SCFD2: variants seen among roughly 807,000 people sequenced by gnomAD.
The protein encoded by SCFD2 is sec1 family domain-containing protein 2.
In SCFD2, 54 loss-of-function variants were observed where a neutral mutation model predicts 58.9. The observed-to-expected ratio is 0.92, with a 90% CI of 0.74 to 1.15. The LOEUF is 1.15. Among genes scored for constraint, SCFD2 ranks in the 50% most tolerant of loss-of-function variants. The probability of loss-of-function intolerance (pLI) is 0.00; values close to 1 mark genes in which losing one functional copy is unlikely to be tolerated. For synonymous variants in SCFD2, 321 were observed against 335.9 expected, an observed-to-expected ratio of 0.96 and a Z score of 0.49; for missense variants, 805 against 836.6, an observed-to-expected ratio of 0.96 and a Z score of 0.47.
intron 4 of SCFD2, among the ~76,000 whole-genome samples, chr4:53,250,813 C>T (rs531859779): frequency 5.1e-4 from 78 of 152,028 alleles, no homozygotes; most frequent in African/African-American, 1.6e-3. Flanking sequence ...AAATTGACAC[C>T]CTAACATCAC....
chr4:53,090,746 T>C (rs1217323920), intron 5 of SCFD2, among the ~76,000 whole-genome samples: 2 of 152,170 alleles, frequency 1.3e-5, no homozygotes, highest in Non-Finnish European at 2.9e-5. Context: ...CCTGCCCTCA[T>C]GGAGCTTACA....
intron 5 of SCFD2, among the ~76,000 whole-genome samples, chr4:53,050,320 A>C (rs768611240): frequency 8.5e-4 from 130 of 152,252 alleles, no homozygotes; most frequent in Non-Finnish European, 1.5e-3. Flanking sequence ...ACTGCTTTCT[A>C]ACAGCTCCAG....
At chr4:53,152,251 C>T (rs1726532258) in intron 4 of SCFD2, among the ~76,000 whole-genome samples, 1 of 151,914 alleles carries the variant, frequency 6.6e-6, no homozygotes, top group South Asian at 2.1e-4. Context: ...AAGAGGATAT[C>T]CAAATACCAT....
intron 5 of SCFD2, among the ~76,000 whole-genome samples, chr4:52,954,450 C>T (rs1720666537): frequency 6.6e-6 from 1 of 152,200 alleles, no homozygotes; most frequent in African/African-American, 2.4e-5. Flanking sequence ...CGGGTGGCTA[C>T]AATCCAGCTC....
At chr4:53,044,252 T>C (rs892487618) in intron 5 of SCFD2, among the ~76,000 whole-genome samples, 3 of 152,272 alleles carry the variant, frequency 2.0e-5, no homozygotes, top group African/African-American at 7.2e-5. Flanking sequence ...TCTGAGGCTC[T>C]ACCTCCCCAA....
intron 2 of SCFD2, among the ~76,000 whole-genome samples, chr4:53,333,706 T>C (rs1733577729): frequency 8.2e-6 from 1 of 122,246 alleles, no homozygotes; most frequent in Non-Finnish European, 1.7e-5. Context: ...ACTTCATGTC[T>C]AAAACACCAA....
chr4:52,938,238 T>A (rs574559478), intron 5 of SCFD2, among the ~76,000 whole-genome samples: 2 of 152,168 alleles, frequency 1.3e-5, no homozygotes, highest in Non-Finnish European at 2.9e-5. Flanking sequence ...ACTAGCATTA[T>A]CCCCATTTCA....
chr4:53,084,741 T>C (rs1168782571), intron 5 of SCFD2, among the ~76,000 whole-genome samples: 1 of 152,170 alleles, frequency 6.6e-6, no homozygotes, highest in Non-Finnish European at 1.5e-5. Flanking sequence ...GTTCAGCTTA[T>C]GCAAATCAAT....
intron 3 of SCFD2, among the ~76,000 whole-genome samples, chr4:53,284,245 A>G (rs928297088): frequency 1.3e-5 from 2 of 152,012 alleles, no homozygotes; most frequent in Non-Finnish European, 2.9e-5. Context: ...AAAAAAATCA[A>G]CAGAAACCAC....
intron 4 of SCFD2, among the ~76,000 whole-genome samples, chr4:53,236,811 T>TCA (rs1246121950): frequency 4.8e-5 from 1 of 20,850 alleles, no homozygotes; most frequent in Non-Finnish European, 1.0e-4. Context: ...GTCACTGTTT[T>TCA]ATTTATTTAT....
chr4:53,245,784 C>T (rs113989147), intron 4 of SCFD2, among the ~76,000 whole-genome samples: 2,599 of 152,214 alleles, frequency 0.017, 82 homozygotes, highest in African/African-American at 0.059. Flanking sequence ...CCTTTGAAAA[C>T]TGCCACAAGA....
At chr4:53,041,225 T>C (rs1387880396) in intron 5 of SCFD2, among the ~76,000 whole-genome samples, 1 of 152,198 alleles carries the variant, frequency 6.6e-6, no homozygotes, top group African/African-American at 2.4e-5. Flanking sequence ...TTTCTAGAAC[T>C]GATAGTGCTG....
chr4:53,195,441 T>C (rs1374647795), intron 4 of SCFD2, among the ~76,000 whole-genome samples: 1 of 152,132 alleles, frequency 6.6e-6, no homozygotes, highest in Non-Finnish European at 1.5e-5. Context: ...AGGCAAATAG[T>C]CCTGATAGGC....
rs567938059 is a variant in SCFD2, at chr4:53,141,321, A to T, written c.1561+4012T>A. On this transcript the variant is annotated intron_variant, in intron 5 of 8. Coordinates refer to ENST00000401642, the MANE Select transcript of SCFD2 (RefSeq NM_152540.4). Reference sequence around the variant, plus strand: ...TAGGGTCAAAAAGGGAAATGTATACATATATCTCTCTAATTGGTAATTGTG... The same window carrying T: ...TAGGGTCAAAAAGGGAAATGTATACTTATATCTCTCTAATTGGTAATTGTG... 7.2e-5 allele frequency among the ~76,000 whole-genome samples: 11 copies of T among 152,330 alleles called. No homozygotes were observed. In the South Asian group the frequency reaches 2.3e-3, roughly 32 times the overall value.
chr4:53,308,964 A>G (rs1205621327), intron 3 of SCFD2, among the ~76,000 whole-genome samples: 1 of 151,888 alleles, frequency 6.6e-6, no homozygotes, highest in African/African-American at 2.4e-5. Context: ...CCCTGTCTCT[A>G]CTAGATAAAA....
chr4:53,139,523 CCGG>C (rs746302293), intron 5 of SCFD2, among the ~76,000 whole-genome samples: 10 of 86,612 alleles, frequency 1.2e-4, no homozygotes, highest in Non-Finnish European at 2.7e-4. Context: ...GCCCCTCTGC[CCGG>C]CAGCTGCCCC....
intron 5 of SCFD2, among the ~76,000 whole-genome samples, chr4:53,046,141 A>G (rs1723031557): frequency 5.3e-5 from 8 of 152,320 alleles, no homozygotes; most frequent in Admixed American, 4.6e-4. Context: ...ATCCATACTA[A>G]AAAATCTTTT....
chr4:53,285,880 G>A (rs900872570), intron 3 of SCFD2, among the ~76,000 whole-genome samples: 3 of 152,080 alleles, frequency 2.0e-5, no homozygotes, highest in African/African-American at 7.2e-5. Flanking sequence ...GAGCTGCCTA[G>A]AGTTCACATG....
intron 5 of SCFD2, among the ~76,000 whole-genome samples, chr4:53,123,539 G>GGGGGGGGC (rs1560345946): frequency 1.4e-4 from 18 of 132,686 alleles, no homozygotes; most frequent in Non-Finnish European, 1.9e-4. Flanking sequence ...GGGTGGGGGG[G>GGGGGGGGC]GGGCACTGAC....
Sources: allele counts gnomAD v4.1 joint callset (sites outside exome capture counted in the v4.1 genomes callset), GRCh38; gene constraint gnomAD v4.1.1; transcripts MANE v1.5; gene names NCBI Gene and HGNC (gene_info 2026-07-23, HGNC 2026-07-21).